Variants in BRPF1 observed in about 807,000 individuals in gnomAD.
The protein encoded by BRPF1 is peregrin.
In BRPF1, 15 loss-of-function variants were observed where a neutral mutation model predicts 115.0. That is an observed-to-expected ratio of 0.13 (90% CI 0.09 to 0.20). The LOEUF is 0.20. BRPF1 is among the 10% of genes least tolerant of loss of function. The pLI is 1.00. For missense variants in BRPF1, 1,118 were observed against 1,638.3 expected, an observed-to-expected ratio of 0.68 and a Z score of 5.48; for synonymous variants, 647 against 619.8, an observed-to-expected ratio of 1.04 and a Z score of -0.65.
At chr3:9,741,636 C>CA (rs5846643) in intron 5 of BRPF1, among the ~76,000 whole-genome samples, 197 bp downstream of exon 5, 4,203 of 89,012 alleles carry the variant, frequency 0.047, 117 homozygotes, top group South Asian at 0.084. Flanking sequence ...GACTCCGTCT[C>CA]AAAAAAAAAA....
In BRPF1 at chr3:9,744,300, C is replaced by A. The variant is rs2077084459; in HGVS notation, c.2712C>A (p.Asn904Lys). The A allele has an allele frequency of 1.9e-6, 3 of 1,612,506 alleles. No individual in the cohort carries two copies. The highest frequency in any genetic ancestry group is 1.7e-5 in the Admixed American group (1 of 59,688). ...RRTSVLFSKK[N>K]PKTAGPPKRP... ...CCTCAGTTCTGTTCTCCAAAAAGAA[C>A]CCGAAGACAGCTGGACCGCCCAAGA... The change falls in exon 9 of 14, where the codon AAC becomes AAA. Residue 904 changes from asparagine to lysine, a missense_variant. Transcript: ENST00000383829.
intron 2 of BRPF1, among the ~76,000 whole-genome samples, chr3:9,736,771 C>G (rs930850853): frequency 6.6e-6 from 1 of 152,220 alleles, no homozygotes; most frequent in Non-Finnish European, 1.5e-5. Flanking sequence ...AAACGATTTA[C>G]TTTTTATATA....
chr3:9,745,767 G>GC lies in BRPF1; in HGVS notation c.3206-39dup. ...GGGACCCAGTGTCAGGGTCTCGCCA[G>GC]CCCCCCAGCTGCTGATCCACCCCCT... On this transcript the variant is annotated intron_variant, in intron 11 of 13. Transcript: ENST00000383829. This position sits in a 1 kb window ranked among gnomAD's most constrained non-coding sequence, Gnocchi z 5.1. The GC allele has an allele frequency of 6.2e-7, 1 of 1,610,748 alleles. No individual in the cohort carries two copies.
intron 12 of BRPF1, 21 bp from the exon 13 acceptor site, chr3:9,746,279 G>A: frequency 6.5e-7 from 1 of 1,528,610 alleles, no homozygotes; most frequent in Non-Finnish European, 8.8e-7. Context: ...GAACCAAACT[G>A]GGCTCTTATT....
intron 1 of BRPF1, among the ~76,000 whole-genome samples, chr3:9,733,853 G>A (rs552476895): frequency 6.6e-6 from 1 of 152,286 alleles, no homozygotes; most frequent in South Asian, 2.1e-4. Context: ...TGAAGAGAGT[G>A]TCATGATCAT....
At position 9,747,878 on chromosome 3, in the gene BRPF1, A is replaced by AT. The variant is rs2077154616; in HGVS notation, c.*529_*530insT. On this transcript the variant is annotated 3_prime_UTR_variant, in exon 14 of 14. Coordinates refer to ENST00000383829, the MANE Select transcript of BRPF1 (RefSeq NM_001003694.2). This position sits in a 1 kb window ranked among gnomAD's most constrained non-coding sequence, Gnocchi z 5.6. Reference sequence around the variant, plus strand: ...GCGCCAGAGTCATTTGGTACTAAAAAAAAAAAAAAAAAAGACTGGGGGCTG... The same window carrying AT: ...GCGCCAGAGTCATTTGGTACTAAAAATAAAAAAAAAAAAAGACTGGGGGCTG... The AT allele has an allele frequency of 6.6e-6, 1 of 152,512 alleles. No individual in the cohort carries two copies. The highest frequency in any genetic ancestry group is 2.1e-4 in the South Asian group (1 of 4,802). The allele number at this position is 152,512 out of a possible 1,614,324, so 9.4% of individuals were successfully genotyped here.
In BRPF1 at chr3:9,742,098, A is replaced by G. The variant is rs759870880; in HGVS notation, c.1928A>G (p.Gln643Arg). The G allele has an allele frequency of 1.9e-5, 31 of 1,614,092 alleles. No individual in the cohort carries two copies. The highest frequency in any genetic ancestry group is 2.2e-5 in the Non-Finnish European group (26 of 1,180,046). ...ATCCTCCTTCGCAAAACCTTGGAGC[A>G]GCTCCAAGAGAAGGACACAGGCAAC... Reference protein sequence around the residue: ...FLILLRKTLEQLQEKDTGNIF... With the variant: ...FLILLRKTLERLQEKDTGNIF... Residue 643 changes from glutamine to arginine, a missense_variant, in exon 6 of 14, where the codon CAG becomes CGG. Transcript: ENST00000383829.
chr3:9,742,812 G>A (rs1184019447), intron 6 of BRPF1, 132 bp from the exon 7 acceptor site: 3 of 1,024,770 alleles, frequency 2.9e-6, no homozygotes, highest in Non-Finnish European at 4.2e-6. Context: ...CCTTTCCCCT[G>A]TGCTATATGC....
Position 9,744,453 on chromosome 3 carries a change from G to A in BRPF1, c.2865G>A (p.Arg955=). 2 of 1,590,954 alleles carry A rather than the reference G, an allele frequency of 1.3e-6. No homozygotes were observed. The highest frequency in any genetic ancestry group is 1.4e-5 in the African/African-American group (1 of 73,794). ...AGCGCAAGCGGGGTAGGAGCCCCCG[G>A]CCCAGTTCGAGCTCAGACAGCGACA... is the stretch of plus-strand genomic sequence containing the variant. The part of the protein sequence containing the change: ...LRQRKRGRSP[R]PSSSSDSDSD... The change falls in exon 9 of 14, where the codon CGG becomes CGA. Residue 955 remains arginine (R), a synonymous_variant. Coordinates refer to ENST00000383829, the MANE Select transcript of BRPF1 (RefSeq NM_001003694.2).
At position 9,745,307 on chromosome 3, in the gene BRPF1, C is replaced by CA. The variant is rs2077104336; in HGVS notation, c.3068+153dup. ...AAGGTTCTCTGCTAAATAAATAAATCAGTGTTACCATTAATAGAACAGAGA... is the reference window on the plus strand; with the variant it reads ...AAGGTTCTCTGCTAAATAAATAAATCAAGTGTTACCATTAATAGAACAGAGA... On this transcript the variant is annotated intron_variant, in intron 10 of 13. Coordinates refer to ENST00000383829, the MANE Select transcript of BRPF1 (RefSeq NM_001003694.2). This position sits in a 1 kb window ranked among gnomAD's most constrained non-coding sequence, Gnocchi z 5.1. The CA allele has an allele frequency of 9.4e-7, 1 of 1,067,546 alleles. No individual in the cohort carries two copies. Among genetic ancestry groups the CA allele is most frequent in the Admixed American group, 2.9e-5 (1 of 34,670 alleles). The allele number at this position is 1,067,546 out of a possible 1,614,324, so 66.1% of individuals were successfully genotyped here.
chr3:9,738,443 T>C (rs1451171257), intron 2 of BRPF1, among the ~76,000 whole-genome samples: 2 of 152,232 alleles, frequency 1.3e-5, no homozygotes, highest in Admixed American at 1.3e-4. Context: ...TGAACAAACA[T>C]AGCACCTAGA....
chr3:9,740,985 G>T, intron 4 of BRPF1, 44 bp downstream of exon 4: 1 of 1,574,346 alleles, frequency 6.4e-7, no homozygotes, highest in East Asian at 2.3e-5. Context: ...CTAGCGCCAG[G>T]GGGACGAAAA....
chr3:9,747,129 C>T lies in BRPF1; in HGVS notation c.3480-37C>T. On this transcript the variant is annotated intron_variant, in intron 13 of 13. Coordinates refer to ENST00000383829, the MANE Select transcript of BRPF1 (RefSeq NM_001003694.2). The surrounding 1 kb of genome is among the most constrained non-coding windows in gnomAD (Gnocchi z 5.6). ...GGAGGAAGGCTGGTCCTTGTTCTCC[C>T]TGAGATGATTTATTTGATCTTCACC... The T allele has an allele frequency of 2.5e-6, 4 of 1,610,854 alleles. No homozygotes were observed. Among genetic ancestry groups the T allele is most frequent in the Non-Finnish European group, 3.4e-6 (4 of 1,177,616 alleles).
At position 9,739,921 on chromosome 3, in the gene BRPF1, G is replaced by C; in HGVS notation, c.1522G>C (p.Ala508Pro). 6.3e-7 allele frequency: 1 copy of C among 1,581,178 alleles called. No homozygotes were observed. Among genetic ancestry groups the C allele is most frequent in the Non-Finnish European group, 8.6e-7 (1 of 1,164,020 alleles). Residue 508 changes from alanine to proline, a missense_variant, in exon 3 of 14, where the codon GCA becomes CCA. Physicochemically the swap from Ala to Pro is conservative, Grantham distance 27 (BLOSUM62 -1). This residue lies in a region of BRPF1 where 178 missense variants were observed against 303.7 expected (regional missense o/e 0.59). Transcript: ENST00000383829. ...RKILAEKRAA[A>P]PVVSVPCIPP... ...GATCCTGGCAGAGAAGCGGGCAGCAGCACCTGTGGTGTCAGTGCCCTGCAT... is the reference window on the plus strand; with the variant it reads ...GATCCTGGCAGAGAAGCGGGCAGCACCACCTGTGGTGTCAGTGCCCTGCAT...
rs1176164397 is a variant in BRPF1, at chr3:9,745,756, G to A, written c.3205+47G>A. On this transcript the variant is annotated intron_variant, in intron 11 of 13. Transcript: ENST00000383829. The surrounding 1 kb of genome is among the most constrained non-coding windows in gnomAD (Gnocchi z 5.1). ...CAGGGATGCTGGGGACCCAGTGTCA[G>A]GGTCTCGCCAGCCCCCCAGCTGCTG... 6.2e-7 allele frequency: 1 copy of A among 1,611,018 alleles called. No individual in the cohort carries two copies. Among genetic ancestry groups the A allele is most frequent in the Admixed American group, 1.7e-5 (1 of 59,956 alleles).
At chr3:9,740,988 G>T (rs745814695) in intron 4 of BRPF1, 47 bp downstream of exon 4, 3 of 1,567,342 alleles carry the variant, frequency 1.9e-6, no homozygotes, top group Non-Finnish European at 2.6e-6. Context: ...GCGCCAGGGG[G>T]ACGAAAACCA....
intron 2 of BRPF1, among the ~76,000 whole-genome samples, chr3:9,737,262 C>T (rs539744205): frequency 1.3e-5 from 2 of 152,236 alleles, no homozygotes; most frequent in Non-Finnish European, 2.9e-5. Flanking sequence ...ACAATCCCCA[C>T]TTCTATCGTG....
rs961238527 is a variant in BRPF1, at chr3:9,743,468, C to G, written c.2312-110C>G. 4 of 1,328,596 alleles carry G rather than the reference C, an allele frequency of 3.0e-6. No homozygotes were observed. The African/African-American group carries it at 5.9e-5, about 20-fold the overall frequency. The allele number at this position is 1,328,596 out of a possible 1,614,324, so 82.3% of individuals were successfully genotyped here. On this transcript the variant is annotated intron_variant, in intron 7 of 13. Transcript: ENST00000383829. The surrounding 1 kb of genome is among the most constrained non-coding windows in gnomAD (Gnocchi z 6.1). Reference sequence around the variant, plus strand: ...TTGGTGCTGCTATTTTACAGCTGTTCCTGGTGAGAAGCCCAGGGGGGATGA... The same window carrying G: ...TTGGTGCTGCTATTTTACAGCTGTTGCTGGTGAGAAGCCCAGGGGGGATGA...
Position 9,734,247 on chromosome 3 carries a change from G to A in BRPF1, c.107G>A (p.Ser36Asn). 6.2e-7 allele frequency: 1 copy of A among 1,614,102 alleles called. No individual in the cohort carries two copies. Among genetic ancestry groups the A allele is most frequent in the Non-Finnish European group, 8.5e-7 (1 of 1,180,026 alleles). ...TGCCGAAAGGTCTACAAGAGTTACA[G>A]TGGTATTGAGTACCACCTGTACCAC... Reference protein sequence around the residue: ...ETCRKVYKSYSGIEYHLYHYD... With the variant: ...ETCRKVYKSYNGIEYHLYHYD... The change falls in exon 2 of 14, where the codon AGT becomes AAT. Residue 36 changes from serine to asparagine, a missense_variant. This residue lies in a region of BRPF1 where 280 missense variants were observed against 382.8 expected (regional missense o/e 0.73). Coordinates refer to ENST00000383829, the MANE Select transcript of BRPF1 (RefSeq NM_001003694.2). This position sits in a 1 kb window ranked among gnomAD's most constrained non-coding sequence, Gnocchi z 5.7.
Sources: allele counts gnomAD v4.1 joint callset (sites outside exome capture counted in the v4.1 genomes callset), GRCh38; gene constraint gnomAD v4.1.1; regional missense constraint gnomAD v4.1.1; non-coding constraint Gnocchi (gnomAD v3.1); transcripts MANE v1.5; gene names NCBI Gene and HGNC (gene_info 2026-07-23, HGNC 2026-07-21).